SMC2: variants seen among roughly 807,000 people sequenced by gnomAD.
SMC2 encodes the protein structural maintenance of chromosomes 2.
In SMC2, 41 loss-of-function variants were observed where a neutral mutation model predicts 142.6. The ratio of observed to expected loss-of-function variants is 0.29; its 90% CI spans 0.22 to 0.37. The LOEUF (loss-of-function observed/expected upper bound fraction) is 0.37. Among genes scored for constraint, SMC2 ranks in the 10% least tolerant of loss-of-function variants. The pLI is 1.00. For missense variants in SMC2, 1,265 were observed against 1,373.7 expected, an observed-to-expected ratio of 0.92 and a Z score of 1.25; for synonymous variants, 463 against 457.5, an observed-to-expected ratio of 1.01 and a Z score of -0.15.
chr9:104,138,889 G>GAAT (rs1278900235), intron 24 of SMC2, among the ~76,000 whole-genome samples: 2 of 152,076 alleles, frequency 1.3e-5, no homozygotes, highest in African/African-American at 4.8e-5. Context: ...CAACAAAACT[G>GAAT]AATGCCAGCT....
chr9:104,125,067 G>T lies in SMC2; in HGVS notation c.2413G>T (p.Ala805Ser), dbSNP rs1186006686. The T allele has an allele frequency of 6.3e-7, 1 of 1,588,362 alleles. No individual in the cohort carries two copies. Among genetic ancestry groups the T allele is most frequent in the Non-Finnish European group, 8.5e-7 (1 of 1,173,680 alleles). ...QKKLDCAKTK[A>S]DASSKKMKEK... ...AAAACTGGATTGTGCCAAAACAAAG[G>T]CAGATGCATCTAGCAAGAAGATGAA... Residue 805 changes from alanine to serine, a missense_variant, in exon 18 of 25, where the codon GCA becomes TCA. Transcript: ENST00000374793.
chr9:104,105,583 C>G (rs1831667913), intron 9 of SMC2, among the ~76,000 whole-genome samples: 1 of 152,150 alleles, frequency 6.6e-6, no homozygotes, highest in Non-Finnish European at 1.5e-5. Flanking sequence ...GCAGTTGATT[C>G]TCTTTCCTTC....
chr9:104,106,105 C>G (rs1326359794), intron 9 of SMC2, among the ~76,000 whole-genome samples: 5 of 152,116 alleles, frequency 3.3e-5, no homozygotes, highest in Non-Finnish European at 5.9e-5. Context: ...TCTTGATATC[C>G]TTCAGTGACT....
chr9:104,138,690 C>T (rs1338542725), intron 24 of SMC2, among the ~76,000 whole-genome samples: 4 of 152,144 alleles, frequency 2.6e-5, no homozygotes, highest in Admixed American at 2.0e-4. Context: ...GGGGACTCCA[C>T]TCATAGTTAC....
chr9:104,129,034 C>T (rs975900438), intron 20 of SMC2, among the ~76,000 whole-genome samples: 2 of 152,138 alleles, frequency 1.3e-5, no homozygotes, highest in Admixed American at 1.3e-4. Context: ...ACCTGACTTA[C>T]ATTTCATTCT....
intron 4 of SMC2, 97 bp downstream of exon 4, chr9:104,098,665 A>C: frequency 3.2e-6 from 4 of 1,239,682 alleles, no homozygotes; most frequent in Non-Finnish European, 4.5e-6. Flanking sequence ...TTTGGATTTT[A>C]TACTTTTTAT....
At chr9:104,093,022 A>T (rs1226555886), upstream of SMC2, 1 of 152,158 alleles carries the variant, frequency 6.6e-6, no homozygotes, top group Non-Finnish European at 1.5e-5. Context: ...TATCCACTAA[A>T]GAGAAAGCAC....
chr9:104,109,459 A>G (rs1008444678), intron 9 of SMC2, among the ~76,000 whole-genome samples: 3 of 152,224 alleles, frequency 2.0e-5, no homozygotes, highest in African/African-American at 4.8e-5. Flanking sequence ...CATGAGGGCT[A>G]CTGCGATAAT....
intron 9 of SMC2, 143 bp downstream of exon 9, chr9:104,102,716 C>A: frequency 4.0e-6 from 3 of 747,340 alleles, no homozygotes; most frequent in Non-Finnish European, 6.0e-6. Context: ...ACAACTGGAC[C>A]AAATGGTCAA....
rs1397763158 is a variant in SMC2, at chr9:104,096,280, A to C, written c.301A>C (p.Ile101Leu). The stretch of plus-strand genomic sequence containing the variant: ...TTTAGGATTTGAGGTTCATGATGAA[A>C]TCACAGTAACAAGGCAGGTGAGTGG... ...SPLGFEVHDE[I>L]TVTRQVVIGG... The change falls in exon 3 of 25, where the codon ATC (isoleucine) becomes CTC (leucine). Residue 101 changes from isoleucine to leucine, a missense_variant. By Grantham distance (5) the Ile-to-Leu change is conservative. Coordinates refer to ENST00000374793, the MANE Select transcript of SMC2 (RefSeq NM_006444.3). The C allele has an allele frequency of 6.2e-7, 1 of 1,614,156 alleles. No individual in the cohort carries two copies. Among genetic ancestry groups the C allele is most frequent in the Non-Finnish European group, 8.5e-7 (1 of 1,179,970 alleles).
Position 104,124,882 on chromosome 9 carries a change from T to G in SMC2, c.2258-30T>G, listed in dbSNP as rs564768495. 25 of 1,539,492 alleles carry G rather than the reference T, an allele frequency of 1.6e-5. No homozygotes were observed. The East Asian group carries it at 4.8e-4, about 30-fold the overall frequency. ...TTTGTCAACCTTTACCATTGTTAAC[T>G]TAGCCACATTTGCTTACTTTGTGAT... On this transcript the variant is annotated intron_variant, in intron 17 of 24. Transcript: ENST00000374793.
intron 2 of SMC2, 141 bp from the exon 3 acceptor site, chr9:104,096,007 C>G: frequency 1.5e-6 from 1 of 671,756 alleles, no homozygotes; most frequent in Non-Finnish European, 2.5e-6. Context: ...GTTTTTCTTG[C>G]CAGAGGATGC....
upstream of SMC2, among the ~76,000 whole-genome samples, chr9:104,089,423 TA>T (rs1829960879): frequency 6.6e-6 from 1 of 151,772 alleles, no homozygotes; most frequent in African/African-American, 2.4e-5. Flanking sequence ...AAATAAAGAG[TA>T]ACAATGGACC....
At chr9:104,098,769 T>A (rs779954409) in intron 4 of SMC2, among the ~76,000 whole-genome samples, 19 of 151,966 alleles carry the variant, frequency 1.3e-4, no homozygotes, top group Non-Finnish European at 2.4e-4. Context: ...TTGACTCCTC[T>A]AGAATGTTTA....
intron 12 of SMC2, 93 bp downstream of exon 12, chr9:104,114,174 A>AT: frequency 1.5e-6 from 1 of 669,016 alleles, no homozygotes; most frequent in Non-Finnish European, 2.5e-6. Context: ...CGAAACCAAG[A>AT]TTTTTGTATG....
upstream of SMC2, chr9:104,092,681 G>T (rs1830022019): frequency 6.6e-6 from 1 of 152,080 alleles, no homozygotes; most frequent in African/African-American, 2.4e-5. Context: ...AGTAAACAAA[G>T]GAATCCTTTC....
chr9:104,118,107 TA>T, intron 14 of SMC2, 63 bp from the exon 15 acceptor site: 1 of 1,317,180 alleles, frequency 7.6e-7, no homozygotes, highest in Non-Finnish European at 1.1e-6. Context: ...TACTGGTTTA[TA>T]AAATCATATC....
At position 104,140,966 on chromosome 9, in the gene SMC2, A is replaced by G. The variant is rs1836004373; in HGVS notation, c.*1651A>G. 1 of 152,186 alleles carries G rather than the reference A, an allele frequency of 6.6e-6. No homozygotes were observed. Among genetic ancestry groups the G allele is most frequent in the Non-Finnish European group, 1.5e-5 (1 of 68,032 alleles). The allele number at this position is 152,186 out of a possible 1,614,324, so 9.4% of individuals were successfully genotyped here. A position where few individuals can be genotyped will look rare whatever the true frequency, so the allele number is the denominator to read the frequency against. ...ACTCATTTCCTTTTCTCTGCTAAAA[A>G]TGTTTTGCTTGTGTGCGTTCCTGAT... On this transcript the variant is annotated 3_prime_UTR_variant, in exon 25 of 25. Transcript: ENST00000374793.
chr9:104,108,922 G>C (rs1832113930), intron 9 of SMC2, among the ~76,000 whole-genome samples: 1 of 152,114 alleles, frequency 6.6e-6, no homozygotes, highest in Non-Finnish European at 1.5e-5. Flanking sequence ...TGATCCCCTG[G>C]TTTACGTGAG....
Sources: gnomAD v4.1 joint callset for allele counts (sites outside exome capture counted in the v4.1 genomes callset) on GRCh38, gnomAD v4.1.1 for gene constraint, MANE v1.5 for transcripts, NCBI Gene and HGNC (gene_info 2026-07-23, HGNC 2026-07-21) for gene names.